The following RCAN1 variants were observed in gnomAD, a reference collection of about 807,000 sequenced individuals.
The protein encoded by RCAN1 is regulator of calcineurin 1, also known as calcipressin-1.
In RCAN1, 11 loss-of-function variants were observed where a neutral mutation model predicts 22.9. That is an observed-to-expected ratio of 0.48 (90% CI 0.30 to 0.79). RCAN1 has a LOEUF of 0.79. Ranked by LOEUF, RCAN1 falls within the 30% of genes least tolerant of loss-of-function variation. RCAN1 has a pLI of 0.06. For synonymous variants in RCAN1, 136 were observed against 142.3 expected (o/e 0.96, Z 0.32); for missense variants, 291 against 337.8 (o/e 0.86, Z 1.09).
chr21:34,576,644 T>A (rs1022660937), intron 1 of RCAN1, among the ~76,000 whole-genome samples: 1 of 152,206 alleles, frequency 6.6e-6, no homozygotes. Flanking sequence ...GTACTAGCAC[T>A]GGAGAAGTCT....
Position 34,614,741 on chromosome 21 carries a change from C to T in RCAN1, c.252+19G>A, listed in dbSNP as rs745382805. The T allele has an allele frequency of 3.5e-6, 5 of 1,411,594 alleles. No individual in the cohort carries two copies. The South Asian group carries it at 5.4e-5, about 15-fold the overall frequency. 87.4% of individuals were successfully genotyped at this position (1,411,594 alleles called of 1,614,324 possible). A position where few individuals can be genotyped will look rare whatever the true frequency, so the allele number is the denominator to read the frequency against. On this transcript the variant is annotated intron_variant, in intron 1 of 3. Coordinates refer to ENST00000313806, the MANE Select transcript of RCAN1 (RefSeq NM_004414.7). This position sits in a 1 kb window ranked among gnomAD's most constrained non-coding sequence, Gnocchi z 6.0. ...GTGTCCGCCCTCCGCCCCGACGGCC[C>T]GCCCGGCGCGGTCCTCACCCGGCAC... is the stretch of plus-strand genomic sequence containing the variant.
chr21:34,526,658 C>T (rs1012429136), intron 1 of RCAN1: 3 of 1,612,718 alleles, frequency 1.9e-6, no homozygotes, highest in Non-Finnish European at 2.5e-6. Context: ...TATTAGAAGC[C>T]TTACCCTGGT....
At chr21:34,588,807 C>CA (rs1008550198) in intron 1 of RCAN1, among the ~76,000 whole-genome samples, 61 of 139,754 alleles carry the variant, frequency 4.4e-4, no homozygotes, top group Non-Finnish European at 2.9e-4. Flanking sequence ...AATGAATAAA[C>CA]AAAATGTAGT....
At chr21:34,558,635 C>T (rs1045985869) in intron 1 of RCAN1, among the ~76,000 whole-genome samples, 1 of 89,062 alleles carries the variant, frequency 1.1e-5, no homozygotes. Flanking sequence ...AACAACTTAA[C>T]GTATTTCCTA....
chr21:34,586,228 T>C (rs975234487), intron 1 of RCAN1, among the ~76,000 whole-genome samples: 5 of 152,224 alleles, frequency 3.3e-5, no homozygotes, highest in African/African-American at 9.6e-5. Flanking sequence ...TGACTGCATC[T>C]ATATATGTTG....
At chr21:34,551,861 A>G (rs555743871) in intron 1 of RCAN1, among the ~76,000 whole-genome samples, 2 of 152,334 alleles carry the variant, frequency 1.3e-5, no homozygotes, top group East Asian at 3.9e-4. Flanking sequence ...TTAGATGACC[A>G]ACAGTTCTAA....
At position 34,538,557 on chromosome 21, in the gene RCAN1, G is replaced by A. The variant is rs545772958; in HGVS notation, c.253-14847C>T. Among the ~76,000 whole-genome samples the A allele has an allele frequency of 3.9e-5, 6 of 152,302 alleles. No homozygotes were observed. In the East Asian group the frequency reaches 9.6e-4, roughly 24 times the overall value. ...CAGACTCTAAGACAGAGGTTCTTGCGCAGGGGAGGTTATTAGGACGAGTGG... is the reference window on the plus strand; with the variant it reads ...CAGACTCTAAGACAGAGGTTCTTGCACAGGGGAGGTTATTAGGACGAGTGG... On this transcript the variant is annotated intron_variant, in intron 1 of 3. Coordinates refer to ENST00000313806, the MANE Select transcript of RCAN1 (RefSeq NM_004414.7).
chr21:34,565,853 C>A (rs118043321), intron 1 of RCAN1, among the ~76,000 whole-genome samples: 1 of 152,188 alleles, frequency 6.6e-6, no homozygotes, highest in South Asian at 2.1e-4. Flanking sequence ...TCTTCCCCAG[C>A]GACCATGTAT....
At chr21:34,530,616 G>GTTTTTTTTTTTTT (rs59150851) in intron 1 of RCAN1, among the ~76,000 whole-genome samples, 13 of 66,218 alleles carry the variant, frequency 2.0e-4, no homozygotes, top group East Asian at 1.2e-3. Flanking sequence ...TAGTGAAATA[G>GTTTTTTTTTTTTT]TTTTTTTTTT....
Position 34,612,948 on chromosome 21 carries a change from C to T in RCAN1, c.252+1812G>A, listed in dbSNP as rs1268562702. ...TCTATCCCTGTTTCAGTCTCTTCAT[C>T]GCATTTATCACTATCCGAAATGATC... On this transcript the variant is annotated intron_variant, in intron 1 of 3. Transcript: ENST00000313806. Among the ~76,000 whole-genome samples the T allele has an allele frequency of 2.0e-5, 3 of 152,248 alleles. No individual in the cohort carries two copies. The East Asian group carries it at 5.8e-4, about 29-fold the overall frequency.
chr21:34,566,162 G>A (rs1043019011), intron 1 of RCAN1, among the ~76,000 whole-genome samples: 2 of 152,276 alleles, frequency 1.3e-5, no homozygotes, highest in South Asian at 2.1e-4. Flanking sequence ...GGTAGAGGCC[G>A]GGCAACCATG....
intron 1 of RCAN1, among the ~76,000 whole-genome samples, chr21:34,532,983 C>T (rs55737427): frequency 0.015 from 2,172 of 144,042 alleles, 18 homozygotes; most frequent in Non-Finnish European, 0.025. Flanking sequence ...TTTTTTGAGA[C>T]GGAGTCTTGC....
At chr21:34,611,007 T>C (rs1027123993) in intron 1 of RCAN1, among the ~76,000 whole-genome samples, 3 of 152,202 alleles carry the variant, frequency 2.0e-5, no homozygotes, top group Admixed American at 1.3e-4. Flanking sequence ...TATACATTCA[T>C]ATTTCAGACA....
rs912999512 is a variant in RCAN1 at position 34,614,109 on chromosome 21, G to C, written c.252+651C>G. 6.6e-6 allele frequency among the ~76,000 whole-genome samples: 1 copy of C among 152,114 alleles called. No individual in the cohort carries two copies. The highest frequency in any genetic ancestry group is 2.4e-5 in the African/African-American group (1 of 41,418). ...GTGGGGGGAGGCGGGGGAAGGAGTC[G>C]ACTCCCCATGTACTGGGTGTCCCCG... On this transcript the variant is annotated intron_variant, in intron 1 of 3. Transcript: ENST00000313806. This position sits in a 1 kb window ranked among gnomAD's most constrained non-coding sequence, Gnocchi z 6.0.
chr21:34,586,376 A>T (rs1987797208), intron 1 of RCAN1, among the ~76,000 whole-genome samples: 1 of 140,056 alleles, frequency 7.1e-6, no homozygotes, highest in Admixed American at 7.5e-5. Flanking sequence ...TTACTCTAGG[A>T]ATCAATAACA....
intron 1 of RCAN1, among the ~76,000 whole-genome samples, chr21:34,558,015 C>A (rs7283306): frequency 0.24 from 36,629 of 151,994 alleles, 5,118 homozygotes; most frequent in African/African-American, 0.39. Context: ...CCCAGCCTAA[C>A]ACAAATTCTT....
chr21:34,603,660 G>C (rs1175097346), intron 1 of RCAN1, among the ~76,000 whole-genome samples: 1 of 152,122 alleles, frequency 6.6e-6, no homozygotes, highest in African/African-American at 2.4e-5. Flanking sequence ...GTTACCCCGG[G>C]ATTCCACAGT....
Position 34,614,139 on chromosome 21 carries a change from C to T in RCAN1, c.252+621G>A. 4.0e-6 allele frequency: 3 copies of T among 749,042 alleles called. No individual in the cohort carries two copies. The highest frequency in any genetic ancestry group is 5.1e-6 in the Non-Finnish European group (3 of 586,622). The allele number at this position is 749,042 out of a possible 1,614,324, so 46.4% of individuals were successfully genotyped here. A position where few individuals can be genotyped will look rare whatever the true frequency, so the allele number is the denominator to read the frequency against. ...CCCATGTACTGGGTGTCCCCGATGG[C>T]GGCAAGCCACACCTTCACACAAGGG... On this transcript the variant is annotated intron_variant, in intron 1 of 3. Transcript: ENST00000313806. This position sits in a 1 kb window ranked among gnomAD's most constrained non-coding sequence, Gnocchi z 6.0.
At chr21:34,528,381 T>C (rs1985192658) in intron 1 of RCAN1, among the ~76,000 whole-genome samples, 1 of 152,252 alleles carries the variant, frequency 6.6e-6, no homozygotes, top group Non-Finnish European at 1.5e-5. Flanking sequence ...TTATGGTGTT[T>C]GCTTTGCCAA....
Sources: gnomAD v4.1 joint callset for allele counts (sites outside exome capture counted in the v4.1 genomes callset) on GRCh38, gnomAD v4.1.1 for gene constraint, Gnocchi (gnomAD v3.1) non-coding constraint, MANE v1.5 for transcripts, NCBI Gene and HGNC (gene_info 2026-07-23, HGNC 2026-07-21) for gene names.